SNX6: variants seen among roughly 807,000 people sequenced by gnomAD.
The protein encoded by SNX6 is sorting nexin 6, also known as sorting nexin-6.
SNX6 carries 34 observed loss-of-function variants against 63.0 expected under a neutral mutation model. The observed-to-expected ratio is 0.54, with a 90% CI of 0.41 to 0.72. The LOEUF (loss-of-function observed/expected upper bound fraction) is 0.72, where lower values mean the gene tolerates loss of function less well. Among genes scored for constraint, SNX6 ranks in the 30% least tolerant of loss-of-function variants. The pLI is 0.00. For missense variants in SNX6, 398 were observed against 471.4 expected, an observed-to-expected ratio of 0.84 and a Z score of 1.44; for synonymous variants, 170 against 164.2, an observed-to-expected ratio of 1.04 and a Z score of -0.27.
At chr14:34,623,963 TA>T (rs1197128047) in intron 2 of SNX6, among the ~76,000 whole-genome samples, 2 of 152,194 alleles carry the variant, frequency 1.3e-5, no homozygotes, top group Non-Finnish European at 2.9e-5. Flanking sequence ...ATTTGTGTAC[TA>T]AATAATATGT....
intron 2 of SNX6, among the ~76,000 whole-genome samples, chr14:34,612,714 G>A (rs1308573481): frequency 1.3e-5 from 2 of 151,818 alleles, no homozygotes; most frequent in African/African-American, 4.8e-5. Context: ...GATTATAGGC[G>A]TGAGCCACCA....
chr14:34,585,772 TG>T (rs550467586), intron 9 of SNX6, among the ~76,000 whole-genome samples: 9 of 151,930 alleles, frequency 5.9e-5, no homozygotes, highest in Admixed American at 4.6e-4. Context: ...GGGTAATTTT[TG>T]TATTTTTTGG....
At chr14:34,568,210 T>C (rs2138261387) in intron 11 of SNX6, among the ~76,000 whole-genome samples, 197 bp from the exon 12 acceptor site, 1 of 150,904 alleles carries the variant, frequency 6.6e-6, no homozygotes, top group Non-Finnish European at 1.5e-5. Flanking sequence ...AATGGCGTGA[T>C]CTTGGCTCAC....
intron 2 of SNX6, among the ~76,000 whole-genome samples, chr14:34,623,308 C>A (rs1227715933): frequency 8.6e-5 from 13 of 151,950 alleles, no homozygotes. Context: ...ATAAAACAGA[C>A]AGTCAAGTGT....
At chr14:34,593,628 G>A (rs1261380241) in intron 7 of SNX6, among the ~76,000 whole-genome samples, 11 of 150,024 alleles carry the variant, frequency 7.3e-5, no homozygotes, top group Non-Finnish European at 1.6e-4. Flanking sequence ...CTGGAGTGCA[G>A]TGGCGCGATC....
At chr14:34,620,941 A>G (rs941282069) in intron 2 of SNX6, among the ~76,000 whole-genome samples, 3 of 151,352 alleles carry the variant, frequency 2.0e-5, no homozygotes, top group Non-Finnish European at 4.4e-5. Flanking sequence ...GACTCCCTCA[A>G]AAAAAAAATA....
chr14:34,562,964 G>A lies in SNX6; in HGVS notation c.*158C>T, dbSNP rs1225131492. The stretch of plus-strand genomic sequence containing the variant: ...GCACACAGACTGGCATCGCCTGGGC[G>A]TGCGCTGCTCCATGTTTCTCAGAAA... On this transcript the variant is annotated 3_prime_UTR_variant, in exon 14 of 14. Transcript: ENST00000362031. The A allele has an allele frequency of 1.4e-5, 10 of 695,382 alleles. No individual in the cohort carries two copies. Among genetic ancestry groups the A allele is most frequent in the Admixed American group, 2.7e-5 (1 of 36,840 alleles). The allele number at this position is 695,382 out of a possible 1,614,324, so 43.1% of individuals were successfully genotyped here.
intron 9 of SNX6, among the ~76,000 whole-genome samples, chr14:34,584,611 T>C (rs1488657316): frequency 6.6e-6 from 1 of 152,042 alleles, no homozygotes; most frequent in African/African-American, 2.4e-5. Flanking sequence ...TATATATATA[T>C]TCTAATTCCC....
chr14:34,564,585 T>C (rs1286263674), intron 13 of SNX6, among the ~76,000 whole-genome samples: 1 of 151,846 alleles, frequency 6.6e-6, no homozygotes, highest in African/African-American at 2.4e-5. Flanking sequence ...CCCAGCACTC[T>C]GGGAAGCCGA....
intron 9 of SNX6, among the ~76,000 whole-genome samples, chr14:34,583,337 T>C (rs774854217): frequency 7.9e-5 from 12 of 152,138 alleles, no homozygotes; most frequent in Admixed American, 5.2e-4. Flanking sequence ...AATAGTCTGG[T>C]GCTGGGATAT....
intron 3 of SNX6, among the ~76,000 whole-genome samples, chr14:34,609,027 C>CA (rs1019142090): frequency 6.0e-5 from 9 of 149,872 alleles, no homozygotes; most frequent in African/African-American, 1.2e-4. Flanking sequence ...GACTCCGTCT[C>CA]AAAAAAAATA....
chr14:34,590,428 C>CT (rs1265717373), intron 8 of SNX6, among the ~76,000 whole-genome samples: 2 of 140,714 alleles, frequency 1.4e-5, no homozygotes, highest in African/African-American at 2.8e-5. Flanking sequence ...AAGACTTCGT[C>CT]TCAAAAAAAA....
At chr14:34,581,525 A>G (rs779503099) in intron 10 of SNX6, 36 bp downstream of exon 10, 1 of 1,192,322 alleles carries the variant, frequency 8.4e-7, no homozygotes. Flanking sequence ...TCTGGGCACA[A>G]TATTATGCAG....
chr14:34,622,632 A>G (rs1301223183), intron 2 of SNX6, among the ~76,000 whole-genome samples: 1 of 151,128 alleles, frequency 6.6e-6, no homozygotes, highest in Non-Finnish European at 1.5e-5. Flanking sequence ...TTCACTATGC[A>G]CTACATACTC....
At chr14:34,626,416 A>T (rs1415697868) in intron 2 of SNX6, among the ~76,000 whole-genome samples, 1 of 151,696 alleles carries the variant, frequency 6.6e-6, no homozygotes, top group Non-Finnish European at 1.5e-5. Flanking sequence ...GCACTTTGGG[A>T]GGCCGAGGCA....
chr14:34,589,819 C>T (rs1168315383), intron 8 of SNX6, among the ~76,000 whole-genome samples: 1 of 151,408 alleles, frequency 6.6e-6, no homozygotes, highest in Non-Finnish European at 1.5e-5. Flanking sequence ...GAGAGAGACT[C>T]TGTCTAGGGA....
At chr14:34,584,283 T>C (rs763938320) in intron 9 of SNX6, among the ~76,000 whole-genome samples, 1 of 152,122 alleles carries the variant, frequency 6.6e-6, no homozygotes, top group South Asian at 2.1e-4. Context: ...GAAAATAGTT[T>C]TCCTGCTTAA....
At chr14:34,604,070 ACATTCAAGG>A in intron 5 of SNX6, 1 of 1,116,158 alleles carries the variant, frequency 9.0e-7, no homozygotes, top group African/African-American at 1.7e-5. Flanking sequence ...AAAAAAAAAA[ACATTCAAGG>A]AAAAGGCTTG....
intron 8 of SNX6, among the ~76,000 whole-genome samples, chr14:34,588,300 C>A (rs1416810144): frequency 6.6e-6 from 1 of 152,112 alleles, no homozygotes; most frequent in East Asian, 1.9e-4. Context: ...AGTCACTGCG[C>A]CCAGCCAGAG....
Sources: allele counts gnomAD v4.1 joint callset (sites outside exome capture counted in the v4.1 genomes callset), GRCh38; gene constraint gnomAD v4.1.1; transcripts MANE v1.5; gene names NCBI Gene and HGNC (gene_info 2026-07-23, HGNC 2026-07-21).